SLC12A2: variants seen among roughly 807,000 people sequenced by gnomAD.
The protein encoded by SLC12A2 is solute carrier family 12 member 2, also known as Na-K-2Cl cotransporter 1.
Under a neutral mutation model 136.3 loss-of-function variants are expected in SLC12A2, and 67 were observed. That is an observed-to-expected ratio of 0.49 (90% CI 0.40 to 0.60). The LOEUF is 0.60. Among genes scored for constraint, SLC12A2 ranks in the 20% least tolerant of loss-of-function variants. The pLI is 0.00. For synonymous variants in SLC12A2, 619 were observed against 562.9 expected, an observed-to-expected ratio of 1.10 and a Z score of -1.41; for missense variants, 1,322 against 1,534.7, an observed-to-expected ratio of 0.86 and a Z score of 2.32.
chr5:128,174,496 T>C (rs565016821), intron 19 of SLC12A2, 45 bp from the exon 20 acceptor site: 3 of 1,458,280 alleles, frequency 2.1e-6, no homozygotes, highest in African/African-American at 2.9e-5. Flanking sequence ...ATTTAACAGT[T>C]AAAATATGAC....
intron 4 of SLC12A2, among the ~76,000 whole-genome samples, chr5:128,125,520 T>C (rs541754901): frequency 2.9e-4 from 44 of 152,334 alleles, no homozygotes; most frequent in African/African-American, 9.9e-4. Flanking sequence ...TGTTACTGAT[T>C]TGTAGATTTT....
At chr5:128,138,514 A>G in intron 7 of SLC12A2, 83 bp from the exon 8 acceptor site, 2 of 1,251,008 alleles carry the variant, frequency 1.6e-6, no homozygotes, top group Non-Finnish European at 2.2e-6. Context: ...GTTAGGGGTC[A>G]TGTATACCTA....
At chr5:128,159,137 C>T (rs1762954531) in intron 16 of SLC12A2, among the ~76,000 whole-genome samples, 1 of 151,756 alleles carries the variant, frequency 6.6e-6, no homozygotes, top group African/African-American at 2.4e-5. Context: ...TTTTAACAAA[C>T]TGTATTGTCC....
chr5:128,102,174 A>G (rs1172025299), intron 1 of SLC12A2, among the ~76,000 whole-genome samples: 2 of 152,182 alleles, frequency 1.3e-5, no homozygotes, highest in Non-Finnish European at 2.9e-5. Context: ...TGTACTAAAC[A>G]TTTAACACAT....
chr5:128,089,599 G>A (rs572468965), intron 1 of SLC12A2, among the ~76,000 whole-genome samples: 1 of 152,288 alleles, frequency 6.6e-6, no homozygotes, highest in Non-Finnish European at 1.5e-5. Flanking sequence ...AGAGTTGAAT[G>A]ATTATATAAC....
intron 6 of SLC12A2, among the ~76,000 whole-genome samples, chr5:128,135,148 G>T (rs1440753661): frequency 6.6e-6 from 1 of 152,010 alleles, no homozygotes; most frequent in Non-Finnish European, 1.5e-5. Context: ...GAGTGGAGAA[G>T]GGGAAATGGT....
chr5:128,131,908 G>C (rs1159471583), intron 5 of SLC12A2, among the ~76,000 whole-genome samples: 1 of 152,208 alleles, frequency 6.6e-6, no homozygotes, highest in Admixed American at 6.5e-5. Context: ...TGGAGGCTGA[G>C]GCAGGGGAAT....
At chr5:128,087,635 G>T (rs1479010166) in intron 1 of SLC12A2, among the ~76,000 whole-genome samples, 1 of 152,154 alleles carries the variant, frequency 6.6e-6, no homozygotes, top group East Asian at 1.9e-4. Flanking sequence ...TATAAATGTA[G>T]TGGGACGCTA....
chr5:128,084,235 C>A lies in SLC12A2; in HGVS notation c.281C>A (p.Ala94Asp). Residue 94 changes from alanine (A) to aspartate (D), a missense_variant, in exon 1 of 27, where the codon GCT (alanine) becomes GAT (aspartate). By Grantham distance (126) the Ala-to-Asp change is moderately radical (BLOSUM62 -2). This residue lies in a region of SLC12A2 where 358 missense variants were observed against 299.7 expected (regional missense o/e 1.19). Transcript: ENST00000262461. The surrounding 1 kb of genome is among the most constrained non-coding windows in gnomAD (Gnocchi z 5.6). The stretch of plus-strand genomic sequence containing the variant: ...GTTTCCGAGAACGCCGGGCGGGCCG[C>A]TGCTGCGGCGGCGGCGGCGGCGGCG... ...DLVSENAGRA[A>D]AAAAAAAAAA... The A allele has an allele frequency of 7.8e-7, 1 of 1,282,582 alleles. No individual in the cohort carries two copies. The allele number at this position is 1,282,582 out of a possible 1,614,324, so 79.5% of individuals were successfully genotyped here. A position where few individuals can be genotyped will look rare whatever the true frequency, so the allele number is the denominator to read the frequency against.
intron 1 of SLC12A2, among the ~76,000 whole-genome samples, chr5:128,085,304 CTT>C (rs547846935): frequency 6.7e-6 from 1 of 149,510 alleles, no homozygotes; most frequent in Non-Finnish European, 1.5e-5. Flanking sequence ...TGGCATAACT[CTT>C]TTTTTTTGCG....
chr5:128,182,269 C>T (rs377626656), intron 23 of SLC12A2, among the ~76,000 whole-genome samples: 24 of 152,070 alleles, frequency 1.6e-4, no homozygotes, highest in African/African-American at 5.8e-4. Flanking sequence ...GTGCACTTCA[C>T]CTGTTCTGTT....
chr5:128,084,059 C>G lies in SLC12A2; in HGVS notation c.105C>G (p.Pro35=), dbSNP rs749899965. ...TGGCCGCAGCCAGGGTGGAACTGCC[C>G]GGCACGGCTGTGCCCTCGGTGCCGG... The part of the protein sequence containing the change: ...AALAAARVEL[P]GTAVPSVPED... Residue 35 remains proline, a synonymous_variant, in exon 1 of 27, where the codon CCC becomes CCG. Transcript: ENST00000262461. This position sits in a 1 kb window ranked among gnomAD's most constrained non-coding sequence, Gnocchi z 5.6. 40 of 1,305,670 alleles carry G rather than the reference C, an allele frequency of 3.1e-5. No individual in the cohort carries two copies. The highest frequency in any genetic ancestry group is 3.8e-5 in the Non-Finnish European group (39 of 1,030,684). The allele number at this position is 1,305,670 out of a possible 1,614,324, so 80.9% of individuals were successfully genotyped here. A position where few individuals can be genotyped will look rare whatever the true frequency, so the allele number is the denominator to read the frequency against.
At chr5:128,093,751 A>G (rs1424688966) in intron 1 of SLC12A2, among the ~76,000 whole-genome samples, 2 of 152,128 alleles carry the variant, frequency 1.3e-5, no homozygotes, top group Admixed American at 6.6e-5. Flanking sequence ...AGTAATGCCA[A>G]AAACCGCAAT....
chr5:128,184,705 CT>C (rs1763815425), intron 25 of SLC12A2, 83 bp from the exon 26 acceptor site: 1 of 1,588,596 alleles, frequency 6.3e-7, no homozygotes, highest in Non-Finnish European at 8.6e-7. Context: ...ATTTCAGTTT[CT>C]TTTTGTCTCC....
chr5:128,149,561 T>C (rs1026485494), intron 12 of SLC12A2, among the ~76,000 whole-genome samples: 21 of 151,926 alleles, frequency 1.4e-4, no homozygotes, highest in African/African-American at 5.1e-4. Flanking sequence ...AAGAATAATA[T>C]GCAGCAGTTA....
chr5:128,136,920 C>T (rs1487786866), intron 7 of SLC12A2, among the ~76,000 whole-genome samples: 1 of 152,106 alleles, frequency 6.6e-6, no homozygotes, highest in Non-Finnish European at 1.5e-5. Flanking sequence ...CTACTTATTT[C>T]TTCTCAGGCT....
At chr5:128,176,074 A>G (rs936927230) in intron 20 of SLC12A2, among the ~76,000 whole-genome samples, 17 of 152,040 alleles carry the variant, frequency 1.1e-4, no homozygotes, top group African/African-American at 3.9e-4. Context: ...AATTAGAGAC[A>G]TTAGTGTGTA....
intron 15 of SLC12A2, 117 bp from the exon 16 acceptor site, chr5:128,157,936 G>T: frequency 1.4e-6 from 1 of 716,566 alleles, no homozygotes. Flanking sequence ...TGAGAATCCT[G>T]TGGCCTGTGT....
At chr5:128,177,923 C>G (rs1763584391) in intron 21 of SLC12A2, among the ~76,000 whole-genome samples, 2 of 152,076 alleles carry the variant, frequency 1.3e-5, no homozygotes, top group Non-Finnish European at 2.9e-5. Flanking sequence ...GATGGGTGCC[C>G]TTTGAAGGAG....
Sources: gnomAD v4.1 joint callset for allele counts (sites outside exome capture counted in the v4.1 genomes callset) on GRCh38, gnomAD v4.1.1 for gene constraint, gnomAD v4.1.1 regional missense constraint, Gnocchi (gnomAD v3.1) non-coding constraint, MANE v1.5 for transcripts, NCBI Gene and HGNC (gene_info 2026-07-23, HGNC 2026-07-21) for gene names.